Variants in ARHGEF2 observed in about 807,000 individuals in gnomAD.
The protein encoded by ARHGEF2 is rho guanine nucleotide exchange factor 2.
Under a neutral mutation model 121.0 loss-of-function variants are expected in ARHGEF2, and 22 were observed. The ratio of observed to expected loss-of-function variants is 0.18; its 90% CI spans 0.13 to 0.26. ARHGEF2 has a LOEUF of 0.26. Ranked by LOEUF, ARHGEF2 falls within the 10% of genes least tolerant of loss-of-function variation. The pLI, the probability that ARHGEF2 is intolerant of heterozygous loss-of-function variation, is 1.00. For missense variants in ARHGEF2, 907 were observed against 1,336.0 expected (o/e 0.68, Z 5.01); for synonymous variants, 487 against 530.0 (o/e 0.92, Z 1.11).
chr1:155,968,421 T>C (rs768237591), intron 2 of ARHGEF2: 4 of 152,138 alleles, frequency 2.6e-5, no homozygotes, highest in Non-Finnish European at 5.9e-5. Flanking sequence ...GAGGCATCTC[T>C]GCCATAACTT....
chr1:155,974,045 A>G (rs1680914539), intron 1 of ARHGEF2, among the ~76,000 whole-genome samples: 2 of 151,202 alleles, frequency 1.3e-5, no homozygotes, highest in South Asian at 4.2e-4. Context: ...TTAATAATAG[A>G]TTTTAAAAAC....
At chr1:155,970,302 C>T in intron 1 of ARHGEF2, 1 of 985,694 alleles carries the variant, frequency 1.0e-6, no homozygotes, top group Non-Finnish European at 1.2e-6. Flanking sequence ...AGTGCCCCTG[C>T]CTCTGCAAGT....
chr1:155,969,550 G>A lies in ARHGEF2; in HGVS notation c.64-250C>T. ...CTGACCTACCTGGCCCCTACGGCTG[G>A]GCTGCCTCCTGTTGCCACTCATCTC... On this transcript the variant is annotated intron_variant, in intron 1 of 21. Transcript: ENST00000361247. 3 of 1,343,000 alleles carry A rather than the reference G, an allele frequency of 2.2e-6. No homozygotes were observed. In the South Asian group the frequency reaches 5.1e-5, roughly 23 times the overall value. The allele number at this position is 1,343,000 out of a possible 1,614,324, so 83.2% of individuals were successfully genotyped here. A position where few individuals can be genotyped will look rare whatever the true frequency, so the allele number is the denominator to read the frequency against.
At chr1:155,960,246 C>CT (rs1275354316) in intron 11 of ARHGEF2, among the ~76,000 whole-genome samples, 17 of 152,124 alleles carry the variant, frequency 1.1e-4, no homozygotes, top group African/African-American at 4.1e-4. Context: ...AGGAGAATCA[C>CT]TTGAGGCCAG....
Position 155,950,834 on chromosome 1 carries a change from G to A in ARHGEF2, c.2698C>T (p.Pro900Ser). ...ACCACTGCAGGCCACCTTACCTGTG[G>A]GGGGTTGAAACTCAAGTACAGGGCA... ...GDALYLSFNPPQPSRGTDRLD... is the reference protein window; with the variant it reads ...GDALYLSFNPSQPSRGTDRLD... The change falls in exon 20 of 22, where the codon CCA becomes TCA. Residue 900 changes from proline (P) to serine (S), a missense_variant. Physicochemically the swap from Pro to Ser is moderately conservative, Grantham distance 74 (BLOSUM62 -1). Coordinates refer to ENST00000361247, the MANE Select transcript of ARHGEF2 (RefSeq NM_001162383.2). The surrounding 1 kb of genome is among the most constrained non-coding windows in gnomAD (Gnocchi z 5.2). The A allele has an allele frequency of 6.6e-7, 1 of 1,523,092 alleles. No homozygotes were observed. The highest frequency in any genetic ancestry group is 8.8e-7 in the Non-Finnish European group (1 of 1,135,546). 94.3% of individuals were successfully genotyped at this position (1,523,092 alleles called of 1,614,324 possible).
At chr1:155,948,079 G>C (rs1674678907) in intron 21 of ARHGEF2, 64 bp from the exon 22 acceptor site, 8 of 1,343,216 alleles carry the variant, frequency 6.0e-6, no homozygotes, top group Non-Finnish European at 6.2e-6. Context: ...TGTACCCCTA[G>C]ACTAATGCCT....
intron 7 of ARHGEF2, among the ~76,000 whole-genome samples, chr1:155,964,071 G>T (rs1405620900): frequency 6.8e-6 from 1 of 147,200 alleles, no homozygotes; most frequent in East Asian, 2.0e-4. Context: ...CTTGAACCTG[G>T]GAGGCGGAGG....
rs747307657 is a variant in ARHGEF2, at chr1:155,950,435, A to T, written c.2751T>A (p.Ser917=). Residue 917 remains serine, a synonymous_variant, in exon 21 of 22, where the codon TCT becomes TCA. Transcript: ENST00000361247. This position sits in a 1 kb window ranked among gnomAD's most constrained non-coding sequence, Gnocchi z 5.2. ...CTCGGTCCTCAAAGTTTCGATGGAC[A>T]GAGCGAGTAGTGACAGGTAGATCCA... ...DRLDLPVTTR[S]VHRNFEDRER... is the part of the protein sequence containing the mutation. 1 of 1,614,096 alleles carries T rather than the reference A, an allele frequency of 6.2e-7. No homozygotes were observed.
chr1:155,970,953 C>T (rs999440821), intron 1 of ARHGEF2: 1 of 986,634 alleles, frequency 1.0e-6, no homozygotes, highest in South Asian at 4.7e-5. Flanking sequence ...GCATCCTCCT[C>T]CTGTCTCCTG....
At chr1:155,970,395 G>A in intron 1 of ARHGEF2, 1 of 985,182 alleles carries the variant, frequency 1.0e-6, no homozygotes, top group Non-Finnish European at 1.2e-6. Flanking sequence ...AGAAGAGGGG[G>A]ATATCACTCT....
chr1:155,972,073 C>T (rs1316323253), intron 1 of ARHGEF2, among the ~76,000 whole-genome samples: 1 of 152,140 alleles, frequency 6.6e-6, no homozygotes, highest in Non-Finnish European at 1.5e-5. Context: ...CCTCCACCCT[C>T]CCCCTGTGGC....
rs1263141148 is a variant in ARHGEF2, at chr1:155,964,990, T to C, written c.722A>G (p.Tyr241Cys). The change falls in exon 7 of 22, where the codon TAT becomes TGT. Residue 241 changes from tyrosine to cysteine, a missense_variant and splice_region_variant. This residue lies in a region of ARHGEF2 where 475 missense variants were observed against 776.5 expected (regional missense o/e 0.61). Coordinates refer to ENST00000361247, the MANE Select transcript of ARHGEF2 (RefSeq NM_001162383.2). ...AGACTAGGGTGGTCTTGGCTTACCA[T>C]AGATGACATCTTGCTGCTTCATCAC... ...KEVMKQQDVI[Y>C]ELIQTELHHV... 1 of 1,613,808 alleles carries C rather than the reference T, an allele frequency of 6.2e-7. No individual in the cohort carries two copies. The highest frequency in any genetic ancestry group is 8.5e-7 in the Non-Finnish European group (1 of 1,179,860).
intron 21 of ARHGEF2, among the ~76,000 whole-genome samples, chr1:155,948,851 G>T (rs1380822753): frequency 4.6e-5 from 7 of 152,202 alleles, no homozygotes; most frequent in Middle Eastern, 3.4e-3. Flanking sequence ...CAATCACGGA[G>T]TACTGTCAAC....
At chr1:155,964,545 A>G (rs1304933081) in intron 7 of ARHGEF2, among the ~76,000 whole-genome samples, 6 of 152,052 alleles carry the variant, frequency 3.9e-5, no homozygotes, top group Non-Finnish European at 8.8e-5. Context: ...AGAGGTAGGG[A>G]CCTAGTGGGC....
Position 155,951,720 on chromosome 1 carries a change from T to C in ARHGEF2, c.2208+21A>G, listed in dbSNP as rs756960799. The C allele has an allele frequency of 8.1e-6, 13 of 1,614,130 alleles. No homozygotes were observed. Among genetic ancestry groups the C allele is most frequent in the Non-Finnish European group, 1.1e-5 (13 of 1,180,006 alleles). ...AGAACATCCTCCCTTCAGTCTCCTA[T>C]ACCATCAATTCCCATCTCACCTCTT... On this transcript the variant is annotated intron_variant, in intron 18 of 21. Coordinates refer to ENST00000361247, the MANE Select transcript of ARHGEF2 (RefSeq NM_001162383.2). The surrounding 1 kb of genome is among the most constrained non-coding windows in gnomAD (Gnocchi z 5.1).
intron 1 of ARHGEF2, among the ~76,000 whole-genome samples, chr1:155,973,734 A>C (rs1378954216): frequency 6.6e-6 from 1 of 151,520 alleles, no homozygotes; most frequent in African/African-American, 2.4e-5. Context: ...TGACAGAGCG[A>C]GACTCTGTCT....
At chr1:155,970,419 G>A in intron 1 of ARHGEF2, 1 of 985,452 alleles carries the variant, frequency 1.0e-6, no homozygotes, top group Non-Finnish European at 1.2e-6. Flanking sequence ...CACTATTCTA[G>A]GACCTTCCTT....
chr1:155,969,806 G>A (rs1047659197), intron 1 of ARHGEF2: 3 of 985,698 alleles, frequency 3.0e-6, no homozygotes, highest in Admixed American at 6.1e-5. Flanking sequence ...CAGTCACAGT[G>A]GGGGGGGCAG....
intron 1 of ARHGEF2, among the ~76,000 whole-genome samples, chr1:155,977,889 G>T (rs928216825): frequency 6.6e-6 from 1 of 152,234 alleles, no homozygotes; most frequent in Admixed American, 6.5e-5. Context: ...ACCCCCTCCC[G>T]TCCCCTCCGC....
Sources: gnomAD v4.1 joint callset for allele counts (sites outside exome capture counted in the v4.1 genomes callset) on GRCh38, gnomAD v4.1.1 for gene constraint, gnomAD v4.1.1 regional missense constraint, Gnocchi (gnomAD v3.1) non-coding constraint, MANE v1.5 for transcripts, NCBI Gene and HGNC (gene_info 2026-07-23, HGNC 2026-07-21) for gene names.